DMD: variants seen among roughly 807,000 people sequenced by gnomAD.
The protein encoded by DMD is dystrophin, also known as mutant dystrophin.
DMD carries 63 observed loss-of-function variants against 330.1 expected under a neutral mutation model. The ratio of observed to expected loss-of-function variants is 0.19; its 90% CI spans 0.16 to 0.24. DMD has a LOEUF of 0.24. Ranked by LOEUF, DMD falls within the 10% of genes least tolerant of loss-of-function variation. The pLI is 1.00. For synonymous variants in DMD, 1,223 were observed against 959.8 expected, an observed-to-expected ratio of 1.27 and a Z score of -5.07; for missense variants, 3,344 against 2,684.1, an observed-to-expected ratio of 1.25 and a Z score of -5.43.
chrX:32,664,139 T>G (rs1219610612), intron 9 of DMD, among the ~76,000 whole-genome samples: 1 of 111,285 alleles, frequency 9.0e-6, no homozygotes, highest in Non-Finnish European at 1.9e-5. Context: ...TAAAAGGCTA[T>G]TTCACTAATT....
rs200071596 is a variant in DMD, at chrX:32,686,006, ACT to A, written c.960+11862_960+11863del. On this transcript the variant is annotated intron_variant, in intron 9 of 78. Transcript: ENST00000357033. The stretch of plus-strand genomic sequence containing the variant: ...TACATTGACATGCTTAAGGGGGTAA[ACT>A]CTTAGTGAAAACAAAAAAGTTTGCT... Among the ~76,000 whole-genome samples the A allele has an allele frequency of 8.3e-3, 927 of 111,460 alleles. 7 individuals carry two copies. Among genetic ancestry groups the A allele is most frequent in the African/African-American group, 0.028 (852 of 30,691 alleles).
chrX:31,382,690 C>A (rs368989153), intron 60 of DMD, among the ~76,000 whole-genome samples: 253 of 111,028 alleles, frequency 2.3e-3, no homozygotes, highest in African/African-American at 7.9e-3. Context: ...AATAATTCTA[C>A]ATGACAAATG....
chrX:32,940,189 C>A (rs966632462), intron 2 of DMD, among the ~76,000 whole-genome samples: 2 of 111,735 alleles, frequency 1.8e-5, no homozygotes, highest in African/African-American at 3.2e-5. Flanking sequence ...TGAATAAGTT[C>A]TGGAGATCTA....
At chrX:32,171,705 A>G (rs1224343937) in intron 44 of DMD, among the ~76,000 whole-genome samples, 2 of 112,036 alleles carry the variant, frequency 1.8e-5, no homozygotes, top group Non-Finnish European at 3.8e-5. Flanking sequence ...AATAGTTATT[A>G]TATTATGATA....
At chrX:31,657,847 G>A (rs2080877648) in intron 54 of DMD, 143 bp downstream of exon 54, 8 of 584,994 alleles carry the variant, frequency 1.4e-5, no homozygotes, top group South Asian at 2.9e-5. Flanking sequence ...AGCCAAGTCC[G>A]TGAGTTTAGT....
intron 9 of DMD, among the ~76,000 whole-genome samples, chrX:32,678,359 G>C (rs189929270): frequency 1.8e-3 from 206 of 112,058 alleles, no homozygotes; most frequent in African/African-American, 6.2e-3. Flanking sequence ...TTTATGTAAG[G>C]TGAAATGTCA....
At chrX:31,364,361 G>A (rs190845630) in intron 60 of DMD, among the ~76,000 whole-genome samples, 5 of 111,819 alleles carry the variant, frequency 4.5e-5, no homozygotes, top group East Asian at 2.8e-4. Context: ...TTAAGCTCTC[G>A]GGTCAGAGTA....
intron 7 of DMD, among the ~76,000 whole-genome samples, chrX:32,807,031 G>A (rs1296760530): frequency 1.0e-5 from 1 of 97,430 alleles, no homozygotes; most frequent in Non-Finnish European, 2.0e-5. Flanking sequence ...ACAACTGAAA[G>A]AACTAGAGAA....
chrX:33,331,787 A>T (rs776094779), intron 1 of DMD, among the ~76,000 whole-genome samples: 1 of 111,396 alleles, frequency 9.0e-6, no homozygotes, highest in Non-Finnish European at 1.9e-5. Flanking sequence ...CAATATTTTT[A>T]CCCATTTGCT....
chrX:31,447,260 A>ATTTTTTT (rs72227601), intron 59 of DMD, among the ~76,000 whole-genome samples: 1 of 52,472 alleles, frequency 1.9e-5, no homozygotes, highest in Non-Finnish European at 3.3e-5. Context: ...AGATCTTGGG[A>ATTTTTTT]TTTTTTTTTT....
intron 2 of DMD, among the ~76,000 whole-genome samples, chrX:32,893,173 G>T (rs1352782567): frequency 8.9e-6 from 1 of 111,834 alleles, no homozygotes; most frequent in Non-Finnish European, 1.9e-5. Flanking sequence ...TTTTTGTTTT[G>T]ATTATTCGGT....
At chrX:31,719,995 C>T (rs1336500182) in intron 52 of DMD, among the ~76,000 whole-genome samples, 1 of 111,601 alleles carries the variant, frequency 9.0e-6, no homozygotes, top group African/African-American at 3.3e-5. Context: ...GAATCCTGAC[C>T]TACAGAACCT....
At chrX:31,968,988 T>C (rs1238372001) in intron 44 of DMD, among the ~76,000 whole-genome samples, 1 of 111,553 alleles carries the variant, frequency 9.0e-6, no homozygotes, top group East Asian at 2.8e-4. Flanking sequence ...ACTCTAGAGA[T>C]ATTTAAATAA....
intron 7 of DMD, among the ~76,000 whole-genome samples, chrX:32,765,564 G>A (rs2072878353): frequency 9.0e-6 from 1 of 111,650 alleles, no homozygotes; most frequent in Admixed American, 9.5e-5. Flanking sequence ...AGCAATGCAA[G>A]AATGGACTAA....
intron 48 of DMD, among the ~76,000 whole-genome samples, chrX:31,861,734 TATAC>T (rs760537319): frequency 4.6e-4 from 26 of 56,061 alleles, no homozygotes; most frequent in African/African-American, 1.9e-3. Flanking sequence ...AGAAGAGTGC[TATAC>T]ACACACACAC....
At chrX:32,964,868 C>G (rs1362758470) in intron 2 of DMD, among the ~76,000 whole-genome samples, 1 of 112,053 alleles carries the variant, frequency 8.9e-6, no homozygotes, top group Admixed American at 9.5e-5. Context: ...ACGTTATATA[C>G]CTTTTGTTGA....
At chrX:33,136,034 G>T (rs2095524666) in intron 1 of DMD, among the ~76,000 whole-genome samples, 1 of 110,875 alleles carries the variant, frequency 9.0e-6, no homozygotes, top group Admixed American at 9.6e-5. Context: ...AAAAAATCAG[G>T]CTGGGTTTGG....
chrX:32,328,206 T>C (rs1008523959), intron 41 of DMD, among the ~76,000 whole-genome samples: 5 of 111,821 alleles, frequency 4.5e-5, no homozygotes, highest in African/African-American at 1.6e-4. Flanking sequence ...ATGTAATACT[T>C]CTGTTTTGAA....
chrX:31,605,984 A>C (rs370816863), intron 55 of DMD, among the ~76,000 whole-genome samples: 60 of 111,507 alleles, frequency 5.4e-4, no homozygotes, highest in African/African-American at 1.8e-3. Flanking sequence ...ATCTCATCTT[A>C]AATTGTAATC....
Sources: allele counts gnomAD v4.1 joint callset (sites outside exome capture counted in the v4.1 genomes callset), GRCh38; gene constraint gnomAD v4.1.1; transcripts MANE v1.5; gene names NCBI Gene and HGNC (gene_info 2026-07-23, HGNC 2026-07-21).